The following FHIT variants were observed in gnomAD, a reference collection of about 807,000 sequenced individuals.
FHIT encodes fragile histidine triad diadenosine triphosphatase, also known as bis(5'-adenosyl)-triphosphatase.
In FHIT, 19 loss-of-function variants were observed where a neutral mutation model predicts 17.9. The ratio of observed to expected loss-of-function variants is 1.06; its 90% CI spans 0.74 to 1.56. The LOEUF is 1.56. Among genes scored for constraint, FHIT ranks in the 40% most tolerant of loss-of-function variants. The probability of loss-of-function intolerance (pLI) is 0.00; values close to 1 mark genes in which losing one functional copy is unlikely to be tolerated. For synonymous variants in FHIT, 81 were observed against 69.7 expected (o/e 1.16, Z -0.81); for missense variants, 248 against 189.2 (o/e 1.31, Z -1.82).
intron 5 of FHIT, among the ~76,000 whole-genome samples, chr3:60,057,692 C>CGA (rs1553667889): frequency 6.8e-6 from 1 of 145,994 alleles, no homozygotes; most frequent in African/African-American, 2.5e-5. Context: ...TCAGGCCTCT[C>CGA]GAAAAAAAAA....
chr3:60,608,407 G>C (rs1306155909), intron 4 of FHIT, among the ~76,000 whole-genome samples: 1 of 152,110 alleles, frequency 6.6e-6, no homozygotes, highest in Non-Finnish European at 1.5e-5. Flanking sequence ...CTCAATTACA[G>C]TTGAAGAGAA....
chr3:60,103,054 T>A (rs1265270263), intron 5 of FHIT, among the ~76,000 whole-genome samples: 1 of 152,186 alleles, frequency 6.6e-6, no homozygotes, highest in Non-Finnish European at 1.5e-5. Context: ...TAAGACCCCA[T>A]TGCTTCTTTT....
intron 5 of FHIT, among the ~76,000 whole-genome samples, chr3:60,198,337 G>C (rs1702739835): frequency 6.6e-6 from 1 of 152,166 alleles, no homozygotes; most frequent in Non-Finnish European, 1.5e-5. Context: ...ATACAAAGCA[G>C]TATTTGACTT....
chr3:60,952,177 C>G (rs1448808753), intron 3 of FHIT, among the ~76,000 whole-genome samples: 1 of 138,568 alleles, frequency 7.2e-6, no homozygotes, highest in South Asian at 2.2e-4. Context: ...CCACCCCCCC[C>G]CCAAAAAAAA....
At chr3:60,551,351 CTGGT>C (rs1274528339) in intron 4 of FHIT, among the ~76,000 whole-genome samples, 1 of 145,666 alleles carries the variant, frequency 6.9e-6, no homozygotes, top group Non-Finnish European at 1.5e-5. Flanking sequence ...CTCAGGACGC[CTGGT>C]GTGGTGGCTA....
intron 3 of FHIT, among the ~76,000 whole-genome samples, chr3:60,914,988 C>T (rs1310471139): frequency 6.6e-6 from 1 of 152,186 alleles, no homozygotes; most frequent in Non-Finnish European, 1.5e-5. Context: ...ATTTCAATCT[C>T]CACTGCAGGA....
chr3:60,707,519 C>G (rs1370413056), intron 4 of FHIT, among the ~76,000 whole-genome samples: 1 of 152,114 alleles, frequency 6.6e-6, no homozygotes, highest in Admixed American at 6.5e-5. Flanking sequence ...AATCACTTCC[C>G]TAGGCTCTAG....
chr3:60,020,303 C>G (rs1700506350), intron 5 of FHIT, among the ~76,000 whole-genome samples: 1 of 151,420 alleles, frequency 6.6e-6, no homozygotes, highest in African/African-American at 2.5e-5. Context: ...ACATGGAGCA[C>G]TGACAGATAA....
rs548649196 is a variant in FHIT at position 59,941,041 on chromosome 3, AG to A, written c.280-18628del. Among the ~76,000 whole-genome samples, 103 of 152,344 alleles carry A rather than the reference AG, an allele frequency of 6.8e-4. 1 individual carries two copies. Among genetic ancestry groups the A allele is most frequent in the African/African-American group, 2.4e-3 (101 of 41,578 alleles). On this transcript the variant is annotated intron_variant, in intron 7 of 9. Transcript: ENST00000492590. ...TCTGTGACTATGACTAGCACTTAGT[AG>A]GCACCCAATAGGTATGTGTTAAATG...
chr3:59,910,642 A>G (rs1575681809), intron 8 of FHIT, among the ~76,000 whole-genome samples: 1 of 152,150 alleles, frequency 6.6e-6, no homozygotes, highest in Non-Finnish European at 1.5e-5. Context: ...CTCATGTTCT[A>G]TAAAGAAAAA....
chr3:60,452,165 A>G (rs924427299), intron 5 of FHIT, among the ~76,000 whole-genome samples: 19 of 152,192 alleles, frequency 1.2e-4, no homozygotes, highest in Admixed American at 9.2e-4. Context: ...GCCCTGCATA[A>G]ATCAATTTAC....
intron 5 of FHIT, among the ~76,000 whole-genome samples, chr3:60,091,734 A>G (rs1396912547): frequency 1.3e-5 from 2 of 151,990 alleles, no homozygotes; most frequent in Non-Finnish European, 2.9e-5. Context: ...TGGCTGTTTA[A>G]AAGTGTGCGG....
At chr3:60,421,414 C>G (rs1191502461) in intron 5 of FHIT, among the ~76,000 whole-genome samples, 4 of 152,056 alleles carry the variant, frequency 2.6e-5, no homozygotes, top group African/African-American at 9.7e-5. Context: ...GGGTTCAATT[C>G]CAATAGCACA....
At chr3:59,974,110 T>C (rs1708305064) in intron 7 of FHIT, among the ~76,000 whole-genome samples, 1 of 152,026 alleles carries the variant, frequency 6.6e-6, no homozygotes, top group African/African-American at 2.4e-5. Flanking sequence ...GCCTTAGCAA[T>C]CTATACTGGC....
At chr3:60,510,326 A>G (rs2034901405) in intron 5 of FHIT, among the ~76,000 whole-genome samples, 3 of 152,192 alleles carry the variant, frequency 2.0e-5, no homozygotes, top group Admixed American at 2.0e-4. Context: ...TGCAAGCCCA[A>G]AAAAGGCCAA....
chr3:61,211,410 G>T (rs1279968455), intron 1 of FHIT, among the ~76,000 whole-genome samples: 1 of 152,232 alleles, frequency 6.6e-6, no homozygotes, highest in African/African-American at 2.4e-5. Flanking sequence ...TGCTAGCACA[G>T]CAGTCTGAGA....
intron 5 of FHIT, among the ~76,000 whole-genome samples, chr3:60,341,816 A>G (rs765031230): frequency 2.5e-4 from 38 of 152,222 alleles, no homozygotes; most frequent in African/African-American, 9.2e-4. Context: ...GTGTAAGGCT[A>G]CCAGGGAAAT....
chr3:59,764,863 AACACACACACACACACACACAC>A (rs57549363), intron 8 of FHIT, among the ~76,000 whole-genome samples: 12,086 of 145,718 alleles, frequency 0.083, 535 homozygotes, highest in African/African-American at 0.094. Flanking sequence ...GGCAACTGCA[AACACACACACACACACACACAC>A]ACACACACAC....
At chr3:59,971,659 G>A (rs17061573) in intron 7 of FHIT, among the ~76,000 whole-genome samples, 3 of 152,214 alleles carry the variant, frequency 2.0e-5, no homozygotes, top group African/African-American at 7.2e-5. Context: ...GGGAGAAAAG[G>A]GTCTTGGAAG....
Sources: allele counts gnomAD v4.1 joint callset (sites outside exome capture counted in the v4.1 genomes callset), GRCh38; gene constraint gnomAD v4.1.1; transcripts MANE v1.5; gene names NCBI Gene and HGNC (gene_info 2026-07-23, HGNC 2026-07-21).